RSRC1: variants seen among roughly 807,000 people sequenced by gnomAD.
RSRC1 encodes arginine and serine rich coiled-coil 1, also known as serine/Arginine-related protein 53.
A neutral mutation model predicts 49.1 loss-of-function variants in RSRC1; 39 were observed. The observed-to-expected ratio is 0.79, with a 90% CI of 0.61 to 1.04. RSRC1 has a LOEUF of 1.04. RSRC1 is among the 50% of genes least tolerant of loss of function. The pLI, the probability that RSRC1 is intolerant of heterozygous loss-of-function variation, is 0.00. For missense variants in RSRC1, 388 were observed against 402.4 expected (o/e 0.96, Z 0.31); for synonymous variants, 143 against 130.8 (o/e 1.09, Z -0.63).
chr3:158,471,261 A>C (rs752863043), intron 7 of RSRC1, among the ~76,000 whole-genome samples: 4 of 152,194 alleles, frequency 2.6e-5, no homozygotes, highest in Non-Finnish European at 4.4e-5. Flanking sequence ...AGGCAGAAAC[A>C]GAGTGATTTG....
At chr3:158,316,646 G>T (rs958330189) in intron 5 of RSRC1, among the ~76,000 whole-genome samples, 1 of 151,796 alleles carries the variant, frequency 6.6e-6, no homozygotes, top group Non-Finnish European at 1.5e-5. Context: ...GGGTTTCACT[G>T]TGTTAGCCAG....
At chr3:158,131,915 C>T (rs910069660) in intron 3 of RSRC1, among the ~76,000 whole-genome samples, 1 of 152,046 alleles carries the variant, frequency 6.6e-6, no homozygotes, top group South Asian at 2.1e-4. Context: ...AAATAATATA[C>T]TGAACGTACG....
At chr3:158,179,241 C>G (rs1014976006) in intron 3 of RSRC1, among the ~76,000 whole-genome samples, 1 of 152,110 alleles carries the variant, frequency 6.6e-6, no homozygotes, top group African/African-American at 2.4e-5. Flanking sequence ...CGGAGAGATC[C>G]TATACACTCT....
At chr3:158,142,449 A>G (rs1437681909) in intron 3 of RSRC1, among the ~76,000 whole-genome samples, 2 of 152,196 alleles carry the variant, frequency 1.3e-5, no homozygotes, top group African/African-American at 2.4e-5. Context: ...CCATTCTTGC[A>G]TCACTTAAAA....
intron 6 of RSRC1, among the ~76,000 whole-genome samples, chr3:158,387,367 A>G (rs1733023022): frequency 6.6e-6 from 1 of 152,158 alleles, no homozygotes; most frequent in Non-Finnish European, 1.5e-5. Flanking sequence ...AACTTTAAAA[A>G]GGACCAGTAT....
At chr3:158,241,828 C>G (rs1483058747) in intron 4 of RSRC1, among the ~76,000 whole-genome samples, 1 of 151,926 alleles carries the variant, frequency 6.6e-6, no homozygotes, top group African/African-American at 2.4e-5. Flanking sequence ...AAAATTTCCC[C>G]TTGAATTTAA....
chr3:158,232,280 T>G (rs1327865699), intron 4 of RSRC1, among the ~76,000 whole-genome samples: 2 of 152,124 alleles, frequency 1.3e-5, no homozygotes, highest in Non-Finnish European at 2.9e-5. Flanking sequence ...GAAATAAAAT[T>G]ATAACTGATC....
intron 5 of RSRC1, among the ~76,000 whole-genome samples, chr3:158,306,389 G>T (rs1727840384): frequency 6.6e-6 from 1 of 151,798 alleles, no homozygotes; most frequent in South Asian, 2.1e-4. Context: ...CGTGAAGCTG[G>T]TTTTTGCTGG....
intron 3 of RSRC1, among the ~76,000 whole-genome samples, chr3:158,161,814 A>G (rs1395949297): frequency 6.6e-6 from 1 of 152,220 alleles, no homozygotes; most frequent in African/African-American, 2.4e-5. Flanking sequence ...AAACAGAAAC[A>G]TGCCTGAAAG....
chr3:158,268,284 A>C (rs188531717), intron 4 of RSRC1, among the ~76,000 whole-genome samples: 35 of 152,308 alleles, frequency 2.3e-4, no homozygotes, highest in South Asian at 1.7e-3. Context: ...AACGCATCAA[A>C]GGTATATTTC....
chr3:158,141,922 AC>A (rs1484453089), intron 3 of RSRC1, among the ~76,000 whole-genome samples: 1 of 151,798 alleles, frequency 6.6e-6, no homozygotes, highest in African/African-American at 2.4e-5. Flanking sequence ...ATATGGTGAA[AC>A]CCCGTCTCTA....
chr3:158,291,831 A>G (rs527422435), intron 4 of RSRC1, among the ~76,000 whole-genome samples: 25 of 152,364 alleles, frequency 1.6e-4, no homozygotes, highest in Non-Finnish European at 3.2e-4. Context: ...AGAAAAGTCA[A>G]TGACTTTCTG....
intron 7 of RSRC1, among the ~76,000 whole-genome samples, chr3:158,489,455 C>T (rs1187955375): frequency 6.6e-6 from 1 of 152,098 alleles, no homozygotes; most frequent in Non-Finnish European, 1.5e-5. Flanking sequence ...GATCTTTGTG[C>T]ATGTATGCTT....
intron 4 of RSRC1, among the ~76,000 whole-genome samples, chr3:158,232,827 A>G (rs527859972): frequency 1.3e-5 from 2 of 152,272 alleles, no homozygotes; most frequent in Admixed American, 6.5e-5. Context: ...AGCTGGGCTC[A>G]GTAACTCATG....
intron 4 of RSRC1, among the ~76,000 whole-genome samples, chr3:158,224,348 C>T (rs1722399353): frequency 1.3e-5 from 2 of 151,762 alleles, no homozygotes; most frequent in African/African-American, 4.8e-5. Flanking sequence ...TCCTGTTCCT[C>T]AGAATTAGGA....
At chr3:158,229,327 G>C (rs57361244) in intron 4 of RSRC1, among the ~76,000 whole-genome samples, 49,425 of 102,604 alleles carry the variant, frequency 0.48, 11,160 homozygotes, top group African/African-American at 0.58. Context: ...AACATACACA[G>C]GTATATGTGT....
chr3:158,426,100 T>C (rs926235685), intron 6 of RSRC1, among the ~76,000 whole-genome samples: 48 of 151,796 alleles, frequency 3.2e-4, no homozygotes, highest in African/African-American at 1.1e-3. Context: ...AAGGCTTAGA[T>C]ATTAAAAAGT....
At chr3:158,327,749 T>C (rs992382813) in intron 5 of RSRC1, among the ~76,000 whole-genome samples, 251 of 152,214 alleles carry the variant, frequency 1.6e-3, no homozygotes, top group African/African-American at 5.9e-3. Flanking sequence ...CTATTAGGTC[T>C]GCTTGGTGAA....
At chr3:158,111,413 A>G (rs1714396609) in intron 1 of RSRC1, among the ~76,000 whole-genome samples, 1 of 152,232 alleles carries the variant, frequency 6.6e-6, no homozygotes, top group South Asian at 2.1e-4. Context: ...GGGTGTTATG[A>G]ATTGGAAAAG....
Sources: allele counts gnomAD v4.1 joint callset (sites outside exome capture counted in the v4.1 genomes callset), GRCh38; gene constraint gnomAD v4.1.1; transcripts MANE v1.5; gene names NCBI Gene and HGNC (gene_info 2026-07-23, HGNC 2026-07-21).